The following LTF variants were observed in gnomAD, a reference collection of about 807,000 sequenced individuals.
LTF encodes epididymis luminal protein 110.
A neutral mutation model predicts 87.2 loss-of-function variants in LTF; 91 were observed. The observed-to-expected ratio is 1.04, with a 90% CI of 0.88 to 1.24. The LOEUF is 1.24. Among genes scored for constraint, LTF ranks in the 50% most tolerant of loss-of-function variants. LTF has a pLI of 0.00. For missense variants in LTF, 901 were observed against 904.3 expected (o/e 1.00, Z 0.05); for synonymous variants, 378 against 356.1 (o/e 1.06, Z -0.69).
At chr3:46,438,914 C>T (rs920601283) in intron 15 of LTF, among the ~76,000 whole-genome samples, 1 of 152,152 alleles carries the variant, frequency 6.6e-6, no homozygotes, top group African/African-American at 2.4e-5. Context: ...ACTGTTCACT[C>T]GGCCCAGGTT....
At chr3:46,457,880 C>A (rs928373059) in intron 2 of LTF, among the ~76,000 whole-genome samples, 2 of 151,964 alleles carry the variant, frequency 1.3e-5, no homozygotes, top group Non-Finnish European at 2.9e-5. Flanking sequence ...CGGGTTAAAG[C>A]GATTCTCTTG....
At chr3:46,467,596 C>T (rs1043393002), upstream of LTF, among the ~76,000 whole-genome samples, 11 of 151,902 alleles carry the variant, frequency 7.2e-5, no homozygotes, top group African/African-American at 2.7e-4. Flanking sequence ...AACAAAAGTT[C>T]CCTCTGGCTT....
At chr3:46,450,759 A>G in intron 6 of LTF, 86 bp from the exon 7 acceptor site, 1 of 1,189,700 alleles carries the variant, frequency 8.4e-7, no homozygotes, top group Non-Finnish European at 1.2e-6. Flanking sequence ...TCCCTATAGA[A>G]TTTTGAGCTT....
At chr3:46,472,488 T>TTTTG (rs1553667481) in intron 1 of LTF, among the ~76,000 whole-genome samples, 2 of 106,890 alleles carry the variant, frequency 1.9e-5, no homozygotes, top group African/African-American at 7.8e-5. Flanking sequence ...GAAAAGATTA[T>TTTTG]TGTGTGTGTG....
intron 1 of LTF, among the ~76,000 whole-genome samples, chr3:46,480,825 A>C (rs1034220550): frequency 6.6e-6 from 1 of 152,220 alleles, no homozygotes; most frequent in Non-Finnish European, 1.5e-5. Context: ...AATTAAACCT[A>C]GGAGAGAAGT....
At position 46,447,362 on chromosome 3, in the gene LTF, A is replaced by G. The variant is rs758691658; in HGVS notation, c.1249T>C (p.Tyr417His). Residue 417 changes from tyrosine to histidine, a missense_variant, in exon 10 of 17, where the codon TAT becomes CAT. Transcript: ENST00000231751. ...EADAMSLDGG[Y>H]VYTAGKCGLV... ...CCACATTTGCCTGCAGTGTACACATATCCTCCATCCAAACTCATGGCATCA... is the reference window on the plus strand; with the variant it reads ...CCACATTTGCCTGCAGTGTACACATGTCCTCCATCCAAACTCATGGCATCA... The G allele has an allele frequency of 3.1e-6, 5 of 1,614,168 alleles. No individual in the cohort carries two copies. The highest frequency in any genetic ancestry group is 4.2e-6 in the Non-Finnish European group (5 of 1,180,020).
At chr3:46,457,168 C>T (rs1702959210) in intron 2 of LTF, among the ~76,000 whole-genome samples, 1 of 152,180 alleles carries the variant, frequency 6.6e-6, no homozygotes. Flanking sequence ...TCAACCGGTA[C>T]CAGTCCGTGG....
intron 1 of LTF, among the ~76,000 whole-genome samples, chr3:46,472,523 TGTGTGA>T (rs1451924376): frequency 6.1e-4 from 89 of 146,284 alleles, no homozygotes; most frequent in East Asian, 4.3e-3. Context: ...TGTGTGTGTG[TGTGTGA>T]GAGAGAGAGA....
chr3:46,465,184 C>A (rs1310670444), upstream of LTF: 12 of 440,736 alleles, frequency 2.7e-5, no homozygotes, highest in Non-Finnish European at 4.5e-5. Context: ...GAGCCCTGTC[C>A]CAGCTCTGGT....
intron 1 of LTF, among the ~76,000 whole-genome samples, chr3:46,480,188 G>A (rs140545650): frequency 6.6e-6 from 1 of 152,270 alleles, no homozygotes; most frequent in East Asian, 1.9e-4. Flanking sequence ...CAAAGTTAGA[G>A]GCCTTGAACT....
upstream of LTF, chr3:46,468,289 G>A (rs538630312): frequency 3.7e-5 from 17 of 456,772 alleles, no homozygotes; most frequent in African/African-American, 6.0e-5. Flanking sequence ...CATCTCCAAC[G>A]TGCCAGGAGT....
upstream of LTF, among the ~76,000 whole-genome samples, chr3:46,469,185 C>CT (rs1333084351): frequency 6.6e-6 from 1 of 152,246 alleles, no homozygotes; most frequent in East Asian, 1.9e-4. Context: ...AACAGGTACT[C>CT]TGAGTGTCGC....
intron 15 of LTF, among the ~76,000 whole-genome samples, chr3:46,439,025 C>T (rs1196793255): frequency 6.6e-6 from 1 of 152,172 alleles, no homozygotes; most frequent in African/African-American, 2.4e-5. Flanking sequence ...GGGAAAAAGA[C>T]AGCCTCTGAG....
In LTF at chr3:46,459,398, A is replaced by G. The variant is rs115531378; in HGVS notation, c.207+258T>C. On this transcript the variant is annotated intron_variant, in intron 2 of 16. Transcript: ENST00000231751. ...TACAACTGATTACATTTCATTTTGG[A>G]ACAGTTGTTATTAATGAATAACAGT... Among the ~76,000 whole-genome samples, 602 of 152,242 alleles carry G rather than the reference A, an allele frequency of 4.0e-3. 5 individuals carry two copies. Among genetic ancestry groups the G allele is most frequent in the African/African-American group, 0.014 (581 of 41,544 alleles).
chr3:46,451,231 C>A (rs7610543), intron 6 of LTF, among the ~76,000 whole-genome samples: 34,590 of 151,974 alleles, frequency 0.23, 4,549 homozygotes, highest in African/African-American at 0.37. Context: ...AAATCTTGCC[C>A]GAGTCATTTT....
intron 1 of LTF, among the ~76,000 whole-genome samples, chr3:46,471,359 A>G (rs1703283956): frequency 6.6e-6 from 1 of 151,968 alleles, no homozygotes; most frequent in Non-Finnish European, 1.5e-5. Context: ...TTAAACACCT[A>G]TGTCTATACG....
chr3:46,458,874 A>C (rs115230523), intron 2 of LTF, among the ~76,000 whole-genome samples: 1,792 of 152,324 alleles, frequency 0.012, 39 homozygotes, highest in African/African-American at 0.04. Context: ...GCGCCCAGCC[A>C]CTGGTACTGT....
rs964496437 is a variant in LTF, at chr3:46,482,612, G to A, written c.-320+2374C>T. ...GAAAGAGAGAGAAAGAAAGAAAGAAGAAAGAAAGAAAGAAAGAAAGAAAGA... is the reference window on the plus strand; with the variant it reads ...GAAAGAGAGAGAAAGAAAGAAAGAAAAAAGAAAGAAAGAAAGAAAGAAAGA... On this transcript the variant is annotated intron_variant, in intron 1 of 19. Coordinates refer to the LTF transcript ENST00000443496. Among the ~76,000 whole-genome samples, 310 of 31,784 alleles carry A rather than the reference G, an allele frequency of 9.8e-3. 38 individuals carry two copies. The highest frequency in any genetic ancestry group is 0.015 in the Admixed American group (36 of 2,432). The allele number at this position is 31,784 out of a possible 152,430, so 20.9% of individuals were successfully genotyped here. A position where few individuals can be genotyped will look rare whatever the true frequency, so the allele number is the denominator to read the frequency against.
chr3:46,453,198 C>T (rs146887182), intron 6 of LTF, among the ~76,000 whole-genome samples: 2 of 152,278 alleles, frequency 1.3e-5, no homozygotes, highest in African/African-American at 2.4e-5. Flanking sequence ...GAAGCCCAAA[C>T]GGCTAGCAAA....
Sources: gnomAD v4.1 joint callset for allele counts (sites outside exome capture counted in the v4.1 genomes callset) on GRCh38, gnomAD v4.1.1 for gene constraint, MANE v1.5 for transcripts, NCBI Gene and HGNC (gene_info 2026-07-23, HGNC 2026-07-21) for gene names.